Variants in PLEKHO1 observed in about 807,000 individuals in gnomAD.
PLEKHO1 encodes the protein pleckstrin homology domain containing O1.
A neutral mutation model predicts 41.4 loss-of-function variants in PLEKHO1; 22 were observed. The observed-to-expected ratio is 0.53, with a 90% CI of 0.38 to 0.76. PLEKHO1 has a LOEUF of 0.76. PLEKHO1 is among the 30% of genes least tolerant of loss of function. The probability of loss-of-function intolerance (pLI) is 0.00; values close to 1 mark genes in which losing one functional copy is unlikely to be tolerated. For missense variants in PLEKHO1, 488 were observed against 518.3 expected (o/e 0.94, Z 0.57); for synonymous variants, 225 against 210.8 (o/e 1.07, Z -0.58).
At position 150,157,322 on chromosome 1, in the gene PLEKHO1, G is replaced by A. The variant is rs74579617; in HGVS notation, c.424-63G>A. ...GGAGTGGGCACATGTTCAGGCCTCG[G>A]GATGCTGGGTTGGGACAGCGAGTCG... On this transcript the variant is annotated intron_variant, in intron 4 of 5. Transcript: ENST00000369124. 190 of 1,244,258 alleles carry A rather than the reference G, an allele frequency of 1.5e-4. No homozygotes were observed. The African/African-American group carries it at 2.4e-3, about 16-fold the overall frequency. The allele number at this position is 1,244,258 out of a possible 1,614,324, so 77.1% of individuals were successfully genotyped here.
intron 3 of PLEKHO1, 113 bp from the exon 4 acceptor site, chr1:150,156,798 T>C: frequency 1.4e-6 from 1 of 716,730 alleles, no homozygotes; most frequent in Non-Finnish European, 2.5e-6. Context: ...AGAATATCTC[T>C]CCTTCCTGGA....
At chr1:150,151,542 G>A (rs1025912666) in intron 2 of PLEKHO1, among the ~76,000 whole-genome samples, 1 of 152,072 alleles carries the variant, frequency 6.6e-6, no homozygotes, top group Non-Finnish European at 1.5e-5. Flanking sequence ...CACGCACCCC[G>A]CCGTCAGGCC....
intron 2 of PLEKHO1, 26 bp from the exon 3 acceptor site, chr1:150,156,040 C>T: frequency 6.2e-7 from 1 of 1,605,088 alleles, no homozygotes; most frequent in Non-Finnish European, 8.5e-7. Flanking sequence ...TTTTATCCTC[C>T]TCACCTCACC....
At chr1:150,158,610 A>G (rs1189828127) in intron 5 of PLEKHO1, among the ~76,000 whole-genome samples, 3 of 152,026 alleles carry the variant, frequency 2.0e-5, no homozygotes, top group African/African-American at 7.2e-5. Flanking sequence ...AATGGCGTGA[A>G]CCCGGGAGGC....
chr1:150,159,021 C>G lies in PLEKHO1; in HGVS notation c.728C>G (p.Pro243Arg). 6.2e-7 allele frequency: 1 copy of G among 1,614,124 alleles called. No individual in the cohort carries two copies. Among genetic ancestry groups the G allele is most frequent in the Non-Finnish European group, 8.5e-7 (1 of 1,179,990 alleles). The change falls in exon 6 of 6, where the codon CCT becomes CGT. Residue 243 changes from proline to arginine, a missense_variant. By Grantham distance (103) the Pro-to-Arg change is moderately radical. Around this residue, in one of 3 missense-constraint regions of PLEKHO1, gnomAD observed 337 missense variants for 324.6 expected, o/e 1.04. Coordinates refer to ENST00000369124, the MANE Select transcript of PLEKHO1 (RefSeq NM_016274.6). ...SADRASSLSR[P>R]WEKTDKGATY... ...GACCGGGCAAGCAGTCTCTCCCGAC[C>G]TTGGGAAAAAACAGACAAAGGGGCC...
Position 150,159,136 on chromosome 1 carries a change from T to C in PLEKHO1, c.843T>C (p.Ala281=), listed in dbSNP as rs1553821376. The change falls in exon 6 of 6, where the codon GCT becomes GCC. Residue 281 remains alanine (A), a synonymous_variant. Coordinates refer to ENST00000369124, the MANE Select transcript of PLEKHO1 (RefSeq NM_016274.6). The part of the protein sequence containing the change: ...SLEEILSQRD[A]ASARTLQLRA... ...AGGAGATCCTATCTCAGCGGGATGC[T>C]GCCTCTGCCCGCACCCTCCAGCTGC... 2 of 1,611,562 alleles carry C rather than the reference T, an allele frequency of 1.2e-6. No homozygotes were observed. Among genetic ancestry groups the C allele is most frequent in the Admixed American group, 3.4e-5 (2 of 59,494 alleles).
At chr1:150,154,146 C>G (rs1305479334) in intron 2 of PLEKHO1, 1 of 152,210 alleles carries the variant, frequency 6.6e-6, no homozygotes, top group Non-Finnish European at 1.5e-5. Flanking sequence ...TAAGTTAACT[C>G]TCTTCCCCTG....
chr1:150,157,507 C>G, intron 5 of PLEKHO1, 21 bp downstream of exon 5: 1 of 1,542,620 alleles, frequency 6.5e-7, no homozygotes, highest in Non-Finnish European at 9.0e-7. Context: ...CTGTAATAAA[C>G]ATTGCCAAAG....
chr1:150,154,622 A>T (rs1660091644), intron 2 of PLEKHO1: 3 of 152,150 alleles, frequency 2.0e-5, no homozygotes, highest in Admixed American at 2.0e-4. Context: ...AGATGAGTTC[A>T]CCTCCATGCA....
rs782555927 is a variant in PLEKHO1, at chr1:150,158,940, C to T, written c.647C>T (p.Ala216Val). ...SFRVDLDKSV[A>V]QLAGSRRRAD... ...CGGGTTGACCTGGACAAGTCTGTGGCCCAGCTGGCAGGGAGCCGGCGGAGA... is the reference window on the plus strand; with the variant it reads ...CGGGTTGACCTGGACAAGTCTGTGGTCCAGCTGGCAGGGAGCCGGCGGAGA... The change falls in exon 6 of 6, where the codon GCC becomes GTC. Residue 216 changes from alanine (A) to valine (V), a missense_variant. This residue lies in a region of PLEKHO1 where 337 missense variants were observed against 324.6 expected (regional missense o/e 1.04). Transcript: ENST00000369124. 6.2e-7 allele frequency: 1 copy of T among 1,614,204 alleles called. No individual in the cohort carries two copies. The highest frequency in any genetic ancestry group is 1.1e-5 in the South Asian group (1 of 91,086).
chr1:150,152,729 T>A (rs2101684884), intron 2 of PLEKHO1: 1 of 140,294 alleles, frequency 7.1e-6, no homozygotes, highest in African/African-American at 2.6e-5. Context: ...TCAAAGTGTA[T>A]CTCCTGTCTT....
rs1553821622 is a variant in PLEKHO1 at position 150,159,450 on chromosome 1, T to C, written c.1157T>C (p.Met386Thr). The change falls in exon 6 of 6, where the codon ATG becomes ACG. Residue 386 changes from methionine (M) to threonine (T), a missense_variant. Around this residue, in one of 3 missense-constraint regions of PLEKHO1, gnomAD observed 337 missense variants for 324.6 expected, o/e 1.04. Coordinates refer to ENST00000369124, the MANE Select transcript of PLEKHO1 (RefSeq NM_016274.6). ...GAGCTGAGAGACCTGTACAGACAGA[T>C]GGACCTGCAGACCCCGGACTCCCAC... ...VRELRDLYRQMDLQTPDSHLR... is the reference protein window; with the variant it reads ...VRELRDLYRQTDLQTPDSHLR... 2 of 1,613,898 alleles carry C rather than the reference T, an allele frequency of 1.2e-6. No individual in the cohort carries two copies. The highest frequency in any genetic ancestry group is 2.2e-5 in the East Asian group (1 of 44,896).
chr1:150,156,200 T>C lies in PLEKHO1; in HGVS notation c.312T>C (p.Gly104=). 1 of 1,613,382 alleles carries C rather than the reference T, an allele frequency of 6.2e-7. No individual in the cohort carries two copies. The highest frequency in any genetic ancestry group is 8.5e-7 in the Non-Finnish European group (1 of 1,179,620). The part of the protein sequence containing the change: ...KFTLAHSKQP[G]NTAPNLIFLA... ...CTCTTGCCCACTCCAAACAGCCCGGTAACACGGTATGTTTCTCCTGCCACC... is the reference window on the plus strand; with the variant it reads ...CTCTTGCCCACTCCAAACAGCCCGGCAACACGGTATGTTTCTCCTGCCACC... The change falls in exon 3 of 6, where the codon GGT becomes GGC. Residue 104 remains glycine (G), a synonymous_variant. Coordinates refer to ENST00000369124, the MANE Select transcript of PLEKHO1 (RefSeq NM_016274.6).
chr1:150,155,936 G>A, intron 2 of PLEKHO1, 130 bp from the exon 3 acceptor site: 2 of 784,834 alleles, frequency 2.5e-6, no homozygotes, highest in Non-Finnish European at 4.2e-6. Flanking sequence ...TGGGCAGACG[G>A]CCCTCTCCTC....
At position 150,150,271 on chromosome 1, in the gene PLEKHO1, A is replaced by T; in HGVS notation, c.14A>T (p.Asn5Ile). 1 of 1,118,316 alleles carries T rather than the reference A, an allele frequency of 8.9e-7. No homozygotes were observed. Among genetic ancestry groups the T allele is most frequent in the Non-Finnish European group, 1.1e-6 (1 of 906,658 alleles). The allele number at this position is 1,118,316 out of a possible 1,614,324, so 69.3% of individuals were successfully genotyped here. MMKKNNSAKRGPQDG... is the reference protein window; with the variant it reads MMKKINSAKRGPQDG... The stretch of plus-strand genomic sequence containing the variant: ...CGCCCGCTGGGAATGATGAAGAAGA[A>T]CAATTCCGCCAAGCGGGTGAGTGCG... The change falls in exon 1 of 6, where the codon AAC (asparagine) becomes ATC (isoleucine). Residue 5 changes from asparagine to isoleucine, a missense_variant. Physicochemically the swap from Asn to Ile is moderately radical, Grantham distance 149. Coordinates refer to ENST00000369124, the MANE Select transcript of PLEKHO1 (RefSeq NM_016274.6).
At chr1:150,156,787 C>A (rs977067065) in intron 3 of PLEKHO1, 124 bp from the exon 4 acceptor site, 29 of 677,702 alleles carry the variant, frequency 4.3e-5, no homozygotes, top group Non-Finnish European at 5.9e-5. Flanking sequence ...ACTCTGGAAG[C>A]AGAATATCTC....
chr1:150,159,785 GAC>G lies in PLEKHO1; in HGVS notation c.*266_*267del, dbSNP rs1553821830. 2.5e-5 allele frequency: 10 copies of G among 397,508 alleles called. No homozygotes were observed. The South Asian group carries it at 4.0e-4, about 16-fold the overall frequency. The allele number at this position is 397,508 out of a possible 1,614,324, so 24.6% of individuals were successfully genotyped here. A position where few individuals can be genotyped will look rare whatever the true frequency, so the allele number is the denominator to read the frequency against. ...CCAGAGAGAGAGAAGGCACGGTAAAGACACAGTCTGACCACTCCACACACCGC... is the reference window on the plus strand; with the variant it reads ...CCAGAGAGAGAGAAGGCACGGTAAAGACAGTCTGACCACTCCACACACCGC... On this transcript the variant is annotated 3_prime_UTR_variant, in exon 6 of 6. Coordinates refer to ENST00000369124, the MANE Select transcript of PLEKHO1 (RefSeq NM_016274.6).
chr1:150,155,901 C>T, intron 2 of PLEKHO1, 165 bp from the exon 3 acceptor site: 3 of 644,654 alleles, frequency 4.7e-6, no homozygotes, highest in Non-Finnish European at 8.2e-6. Flanking sequence ...TAGCGTCCTC[C>T]TCGATGTGAG....
Position 150,159,745 on chromosome 1 carries a change from G to A in PLEKHO1, c.*222G>A, listed in dbSNP as rs1218882185. On this transcript the variant is annotated 3_prime_UTR_variant, in exon 6 of 6. Coordinates refer to ENST00000369124, the MANE Select transcript of PLEKHO1 (RefSeq NM_016274.6). ...GGAAGTGACCCCGCAGCAGTAGCAG[G>A]AAGTTTTTACCCAGCCAGAGAGAGA... 6.4e-6 allele frequency: 3 copies of A among 471,952 alleles called. No individual in the cohort carries two copies. The highest frequency in any genetic ancestry group is 5.8e-5 in the African/African-American group (3 of 52,008). The allele number at this position is 471,952 out of a possible 1,614,324, so 29.2% of individuals were successfully genotyped here.
Sources: gnomAD v4.1 joint callset for allele counts (sites outside exome capture counted in the v4.1 genomes callset) on GRCh38, gnomAD v4.1.1 for gene constraint, gnomAD v4.1.1 regional missense constraint, MANE v1.5 for transcripts, NCBI Gene and HGNC (gene_info 2026-07-23, HGNC 2026-07-21) for gene names.